The following RPGRIP1L variants were observed in gnomAD, a reference collection of about 807,000 sequenced individuals.
RPGRIP1L encodes the protein protein fantom.
A neutral mutation model predicts 160.4 loss-of-function variants in RPGRIP1L; 131 were observed. The observed-to-expected ratio is 0.82, with a 90% confidence interval of 0.71 to 0.94. The LOEUF (loss-of-function observed/expected upper bound fraction) is 0.94. RPGRIP1L is among the 40% of genes least tolerant of loss of function. RPGRIP1L has a pLI of 0.00. For missense variants in RPGRIP1L, 1,522 were observed against 1,535.8 expected (o/e 0.99, Z 0.15); for synonymous variants, 510 against 515.8 (o/e 0.99, Z 0.15).
At chr16:53,698,655 T>C (rs1598428034) in intron 2 of RPGRIP1L, among the ~76,000 whole-genome samples, 1 of 106,298 alleles carries the variant, frequency 9.4e-6, no homozygotes. Context: ...AGCCGCCCCG[T>C]CGGGAGGGAG....
chr16:53,684,604 T>TG (rs1969856376), intron 6 of RPGRIP1L, among the ~76,000 whole-genome samples: 1 of 131,714 alleles, frequency 7.6e-6, no homozygotes, highest in Non-Finnish European at 1.6e-5. Context: ...GGGTGGGGGT[T>TG]GGGGGGAGGG....
At chr16:53,619,338 G>A in intron 23 of RPGRIP1L, 130 bp from the exon 24 acceptor site, 1 of 737,718 alleles carries the variant, frequency 1.4e-6, no homozygotes, top group South Asian at 1.5e-5. Context: ...TGAATGCAAT[G>A]TACACTACTG....
At position 53,600,402 on chromosome 16, in the gene RPGRIP1L, G is replaced by A. The variant is rs1378576352; in HGVS notation, c.*1674C>T. On this transcript the variant is annotated 3_prime_UTR_variant, in exon 27 of 27. Coordinates refer to ENST00000647211, the MANE Select transcript of RPGRIP1L (RefSeq NM_015272.5). ...GGTCTCCAGAAGGTTCCAGAGGAAC[G>A]AGTTGTTATGAAGATTTGCAGAGTT... is the stretch of plus-strand genomic sequence containing the variant. 6.6e-6 allele frequency: 1 copy of A among 152,640 alleles called. No homozygotes were observed. The highest frequency in any genetic ancestry group is 2.4e-5 in the African/African-American group (1 of 41,438). 9.5% of individuals were successfully genotyped at this position (152,640 alleles called of 1,614,324 possible).
chr16:53,661,814 T>C (rs1967822824), intron 10 of RPGRIP1L, among the ~76,000 whole-genome samples: 1 of 152,236 alleles, frequency 6.6e-6, no homozygotes, highest in African/African-American at 2.4e-5. Context: ...CATTCACTGA[T>C]ATTTTTTAAA....
chr16:53,657,129 A>G (rs536971797), intron 13 of RPGRIP1L, among the ~76,000 whole-genome samples: 2 of 152,198 alleles, frequency 1.3e-5, no homozygotes, highest in South Asian at 4.1e-4. Flanking sequence ...AATCTCAGCT[A>G]CTTGGGAGGC....
chr16:53,653,808 T>C (rs959569412), intron 14 of RPGRIP1L, among the ~76,000 whole-genome samples: 1 of 152,244 alleles, frequency 6.6e-6, no homozygotes, highest in Non-Finnish European at 1.5e-5. Context: ...TTTATGACTT[T>C]TGTCATTATT....
chr16:53,698,649 G>T (rs187086454), intron 2 of RPGRIP1L, among the ~76,000 whole-genome samples: 2 of 94,428 alleles, frequency 2.1e-5, no homozygotes, highest in Non-Finnish European at 4.3e-5. Context: ...CCGGCCAGCC[G>T]CCCCGTCGGG....
intron 9 of RPGRIP1L, among the ~76,000 whole-genome samples, chr16:53,665,887 A>G (rs1201520249): frequency 6.6e-6 from 1 of 152,176 alleles, no homozygotes; most frequent in African/African-American, 2.4e-5. Context: ...CCCAGGGCCC[A>G]GGTATTCATA....
chr16:53,700,537 G>T, intron 2 of RPGRIP1L, 102 bp downstream of exon 2: 1 of 895,054 alleles, frequency 1.1e-6, no homozygotes, highest in Non-Finnish European at 1.8e-6. Flanking sequence ...GGACTATATA[G>T]TTACTTAAAT....
At position 53,690,341 on chromosome 16, in the gene RPGRIP1L, T is replaced by A. The variant is rs772542852; in HGVS notation, c.529+1725A>T. Among the ~76,000 whole-genome samples, 31 of 152,090 alleles carry A rather than the reference T, an allele frequency of 2.0e-4. 1 individual carries two copies. Among genetic ancestry groups the A allele is most frequent in the South Asian group, 8.3e-4 (4 of 4,826 alleles). On this transcript the variant is annotated intron_variant, in intron 4 of 26. Transcript: ENST00000647211. ...CTTCCCAAGTAGCTGGGATTACAGG[T>A]GCGTGCCACCAAGCCCAGCTAATTT...
intron 9 of RPGRIP1L, among the ~76,000 whole-genome samples, chr16:53,671,052 G>T (rs1189618579): frequency 6.6e-6 from 1 of 152,126 alleles, no homozygotes; most frequent in Non-Finnish European, 1.5e-5. Flanking sequence ...AGCCATGATT[G>T]TGCCACTGCA....
chr16:53,675,418 T>C (rs960984236), intron 6 of RPGRIP1L, among the ~76,000 whole-genome samples: 5 of 152,180 alleles, frequency 3.3e-5, no homozygotes, highest in African/African-American at 4.8e-5. Flanking sequence ...AAAATCATTT[T>C]ATAGTATCCT....
intron 16 of RPGRIP1L, among the ~76,000 whole-genome samples, chr16:53,646,564 T>A (rs1174429128): frequency 1.3e-5 from 2 of 152,112 alleles, no homozygotes. Flanking sequence ...AGGAGAGAGA[T>A]GAACAAAAGG....
chr16:53,639,014 A>G (rs545860521), intron 19 of RPGRIP1L, among the ~76,000 whole-genome samples: 1 of 151,556 alleles, frequency 6.6e-6, no homozygotes, highest in Non-Finnish European at 1.5e-5. Context: ...TAATATTTCT[A>G]TGATGATTAT....
intron 25 of RPGRIP1L, chr16:53,607,968 A>G (rs1367576810): frequency 1.0e-6 from 1 of 985,116 alleles, no homozygotes; most frequent in African/African-American, 1.7e-5. Context: ...CATGTCTGGA[A>G]GAACGCTTAC....
chr16:53,665,933 G>A (rs139496148), intron 9 of RPGRIP1L, among the ~76,000 whole-genome samples: 154 of 152,168 alleles, frequency 1.0e-3, no homozygotes, highest in South Asian at 8.3e-4. Context: ...GCCAGGTTTT[G>A]GAAAAACTGA....
chr16:53,698,716 TG>T (rs1248822576), intron 2 of RPGRIP1L, among the ~76,000 whole-genome samples: 2 of 110,668 alleles, frequency 1.8e-5, no homozygotes, highest in East Asian at 2.9e-4. Flanking sequence ...GGGAGGGAGG[TG>T]GGGGGGTCAG....
At chr16:53,644,723 C>T (rs1966436906) in intron 17 of RPGRIP1L, among the ~76,000 whole-genome samples, 1 of 152,160 alleles carries the variant, frequency 6.6e-6, no homozygotes, top group African/African-American at 2.4e-5. Context: ...TTATATACAG[C>T]AAGACCATCC....
At chr16:53,688,541 A>T (rs2151328366) in intron 4 of RPGRIP1L, among the ~76,000 whole-genome samples, 1 of 152,190 alleles carries the variant, frequency 6.6e-6, no homozygotes, top group East Asian at 1.9e-4. Context: ...TCTTATAGAA[A>T]TCTGTAGAAT....
Sources: allele counts gnomAD v4.1 joint callset (sites outside exome capture counted in the v4.1 genomes callset), GRCh38; gene constraint gnomAD v4.1.1; transcripts MANE v1.5; gene names NCBI Gene and HGNC (gene_info 2026-07-23, HGNC 2026-07-21).